The following VCAM1 variants were observed in gnomAD, a reference collection of about 807,000 sequenced individuals.
The protein encoded by VCAM1 is vascular cell adhesion molecule 1.
A neutral mutation model predicts 63.8 loss-of-function variants in VCAM1; 41 were observed. The ratio of observed to expected loss-of-function variants is 0.64; its 90% CI spans 0.50 to 0.83. VCAM1 has a LOEUF of 0.83. Ranked by LOEUF, VCAM1 falls within the 40% of genes least tolerant of loss-of-function variation. The pLI is 0.00. For synonymous variants in VCAM1, 338 were observed against 320.7 expected (o/e 1.05, Z -0.58); for missense variants, 798 against 875.5 (o/e 0.91, Z 1.12).
At chr1:100,722,485 T>C (rs1353408745) in intron 2 of VCAM1, among the ~76,000 whole-genome samples, 3 of 152,164 alleles carry the variant, frequency 2.0e-5, no homozygotes, top group Non-Finnish European at 2.9e-5. Context: ...TGGAAATATA[T>C]CTGCCCTGAC....
chr1:100,721,619 C>T (rs1222338034), intron 2 of VCAM1, among the ~76,000 whole-genome samples: 3 of 151,952 alleles, frequency 2.0e-5, no homozygotes, highest in East Asian at 1.9e-4. Flanking sequence ...TTTATTGTAC[C>T]GGAGCTCAAC....
chr1:100,736,047 T>C (rs1289192837), intron 8 of VCAM1: 1 of 152,208 alleles, frequency 6.6e-6, no homozygotes, highest in Non-Finnish European at 1.5e-5. Flanking sequence ...CACCTTTAAT[T>C]AAGCCTAGCC....
In VCAM1 at chr1:100,719,786, C is replaced by A; in HGVS notation, c.-75C>A. The stretch of plus-strand genomic sequence containing the variant: ...TCACTGGCTTCAGGAGCTGAATACC[C>A]TCCCAGGCACACACAGGTGGGACAC... On this transcript the variant is annotated 5_prime_UTR_variant, in exon 1 of 9. Transcript: ENST00000294728. 6.6e-7 allele frequency: 1 copy of A among 1,509,988 alleles called. No homozygotes were observed. 93.5% of individuals were successfully genotyped at this position (1,509,988 alleles called of 1,614,324 possible). A position where few individuals can be genotyped will look rare whatever the true frequency, so the allele number is the denominator to read the frequency against.
At position 100,725,855 on chromosome 1, in the gene VCAM1, A is replaced by C. The variant is rs527972641; in HGVS notation, c.928+965A>C. ...TGTTTGGTATAGGTATACAATGTAG[A>C]ATGATTAAGTCAAGTCAACAAATCC... On this transcript the variant is annotated intron_variant, in intron 4 of 8. Transcript: ENST00000294728. 2.0e-5 allele frequency among the ~76,000 whole-genome samples: 3 copies of C among 152,176 alleles called. No homozygotes were observed. The South Asian group carries it at 6.2e-4, about 32-fold the overall frequency.
chr1:100,726,315 T>C (rs570029067), intron 4 of VCAM1, among the ~76,000 whole-genome samples: 1 of 152,202 alleles, frequency 6.6e-6, no homozygotes, highest in East Asian at 1.9e-4. Flanking sequence ...TAAGATTCTG[T>C]CCCTAATATA....
intron 7 of VCAM1, 147 bp downstream of exon 7, chr1:100,732,831 A>T (rs994604766): frequency 3.5e-6 from 3 of 868,546 alleles, no homozygotes; most frequent in East Asian, 6.0e-5. Flanking sequence ...CAATGTATGG[A>T]GAAATCTCCT....
At chr1:100,724,077 CAAAACCTGGCTGG>C (rs1158870697) in intron 3 of VCAM1, among the ~76,000 whole-genome samples, 1 of 152,006 alleles carries the variant, frequency 6.6e-6, no homozygotes. Context: ...GAAGAGAAAA[CAAAACCTGGCTGG>C]AAAAGACATC....
At chr1:100,733,108 C>G (rs1429067145) in intron 7 of VCAM1, among the ~76,000 whole-genome samples, 4 of 152,180 alleles carry the variant, frequency 2.6e-5, no homozygotes. Flanking sequence ...TAAGCTGGCA[C>G]TTAAGTCTTT....
At position 100,738,351 on chromosome 1, in the gene VCAM1, C is replaced by A; in HGVS notation, c.*68C>A. 1 of 1,494,556 alleles carries A rather than the reference C, an allele frequency of 6.7e-7. No homozygotes were observed. Among genetic ancestry groups the A allele is most frequent in the Middle Eastern group, 1.8e-4 (1 of 5,474 alleles). 92.6% of individuals were successfully genotyped at this position (1,494,556 alleles called of 1,614,324 possible). On this transcript the variant is annotated 3_prime_UTR_variant, in exon 9 of 9. Transcript: ENST00000294728. ...CAAATCCTTGATACTGCTCATCATT[C>A]CTTGAGAAAAACAATGAGCTGAGAG...
At position 100,719,829 on chromosome 1, in the gene VCAM1, C is replaced by T. The variant is rs1480397312; in HGVS notation, c.-32C>T. The T allele has an allele frequency of 1.9e-6, 3 of 1,606,820 alleles. No individual in the cohort carries two copies. In the Admixed American group the frequency reaches 5.0e-5, roughly 27 times the overall value. ...TGGGACACAAATAAGGGTTTTGGAA[C>T]CACTATTTTCTCATCACGACAGCAA... is the stretch of plus-strand genomic sequence containing the variant. On this transcript the variant is annotated 5_prime_UTR_variant, in exon 1 of 9. Transcript: ENST00000294728.
chr1:100,721,663 A>G (rs3176860), intron 2 of VCAM1, among the ~76,000 whole-genome samples: 68,260 of 151,812 alleles, frequency 0.45, 15,856 homozygotes, highest in Admixed American at 0.55. Context: ...TCTGCAACAA[A>G]CCGCATGTGT....
At chr1:100,727,901 CTT>C (rs1217301029) in intron 4 of VCAM1, among the ~76,000 whole-genome samples, 1 of 152,066 alleles carries the variant, frequency 6.6e-6, no homozygotes, top group African/African-American at 2.4e-5. Context: ...AGAAAAATAA[CTT>C]ATGGCATAGA....
intron 1 of VCAM1, 22 bp from the exon 2 acceptor site, chr1:100,720,452 TTC>T: frequency 6.3e-7 from 1 of 1,598,304 alleles, no homozygotes; most frequent in Non-Finnish European, 8.5e-7. Flanking sequence ...GTAAATTTGC[TTC>T]TGTCTTTTTT....
rs1197566885 is a variant in VCAM1, at chr1:100,728,980, T to C, written c.929-127T>C. The C allele has an allele frequency of 2.1e-5, 24 of 1,140,698 alleles. 1 individual carries two copies. The highest frequency in any genetic ancestry group is 2.2e-4 in the Middle Eastern group (1 of 4,476). The allele number at this position is 1,140,698 out of a possible 1,614,324, so 70.7% of individuals were successfully genotyped here. A position where few individuals can be genotyped will look rare whatever the true frequency, so the allele number is the denominator to read the frequency against. On this transcript the variant is annotated intron_variant, in intron 4 of 8. Transcript: ENST00000294728. ...CTGATGGTCCCAAGGTGGAAAAGAG[T>C]AATTTCTTCTTGGCATGGATATTAG...
chr1:100,726,960 A>G (rs1414797021), intron 4 of VCAM1, among the ~76,000 whole-genome samples: 2 of 151,980 alleles, frequency 1.3e-5, no homozygotes, highest in African/African-American at 4.8e-5. Context: ...CCAGGAGTAC[A>G]AGACCAGCCT....
At chr1:100,725,242 A>G (rs1189630791) in intron 4 of VCAM1, among the ~76,000 whole-genome samples, 2 of 151,610 alleles carry the variant, frequency 1.3e-5, no homozygotes, top group Non-Finnish European at 2.9e-5. Context: ...TTGGACTACA[A>G]TATGTTGATT....
Position 100,734,541 on chromosome 1 carries a change from A to G in VCAM1, c.1832A>G (p.Glu611Gly). 2 of 1,613,676 alleles carry G rather than the reference A, an allele frequency of 1.2e-6. No individual in the cohort carries two copies. Among genetic ancestry groups the G allele is most frequent in the Admixed American group, 1.7e-5 (1 of 59,930 alleles). ...KDIKLTAFPS[E>G]SVKEGDTVII... ...ATAAAACTTACAGCTTTTCCTTCTGAGAGTGTCAAAGAAGGAGACACTGTC... is the reference window on the plus strand; with the variant it reads ...ATAAAACTTACAGCTTTTCCTTCTGGGAGTGTCAAAGAAGGAGACACTGTC... Residue 611 changes from glutamate (E) to glycine (G), a missense_variant, in exon 8 of 9, where the codon GAG (glutamate) becomes GGG (glycine). Physicochemically the swap from Glu to Gly is moderately conservative, Grantham distance 98. Coordinates refer to ENST00000294728, the MANE Select transcript of VCAM1 (RefSeq NM_001078.4).
chr1:100,721,124 C>T (rs1659937467), intron 2 of VCAM1, among the ~76,000 whole-genome samples: 1 of 152,028 alleles, frequency 6.6e-6, no homozygotes, highest in African/African-American at 2.4e-5. Flanking sequence ...TTATGAATTC[C>T]ATCCTTCAGG....
At chr1:100,730,341 A>AGT (rs1660397013) in intron 5 of VCAM1, among the ~76,000 whole-genome samples, 1 of 152,096 alleles carries the variant, frequency 6.6e-6, no homozygotes, top group Admixed American at 6.6e-5. Context: ...GAGAACCAGC[A>AGT]GTGGGGTCTT....
Sources: allele counts gnomAD v4.1 joint callset (sites outside exome capture counted in the v4.1 genomes callset), GRCh38; gene constraint gnomAD v4.1.1; transcripts MANE v1.5; gene names NCBI Gene and HGNC (gene_info 2026-07-23, HGNC 2026-07-21).